Variants in ATG10 observed in about 807,000 individuals in gnomAD.
ATG10 encodes the protein autophagy related 10.
A neutral mutation model predicts 32.1 loss-of-function variants in ATG10; 30 were observed. The observed-to-expected ratio is 0.94, with a 90% CI of 0.70 to 1.27. ATG10 has a LOEUF of 1.27. Ranked by LOEUF, ATG10 falls within the 50% of genes most tolerant of loss-of-function variation. ATG10 has a pLI of 0.00. For missense variants in ATG10, 233 were observed against 262.3 expected (o/e 0.89, Z 0.77); for synonymous variants, 87 against 91.5 (o/e 0.95, Z 0.28).
intron 5 of ATG10, among the ~76,000 whole-genome samples, chr5:82,217,526 T>A (rs1237394004): frequency 1.3e-5 from 2 of 152,098 alleles, no homozygotes; most frequent in Admixed American, 1.3e-4. Context: ...TGTCAGAAGC[T>A]ATTTTTTGCC....
rs1561319836 is a variant in ATG10, at chr5:82,138,856, TCC to T, written c.217-25539_217-25538del. ...GTCGAGCTCTCCCTCCCCCTCCCCC[TCC>T]CCCTCCCCCTCCCCCTCCCCCTCTC... On this transcript the variant is annotated intron_variant, in intron 3 of 7. Transcript: ENST00000282185. Among the ~76,000 whole-genome samples, 100 of 16,092 alleles carry T rather than the reference TCC, an allele frequency of 6.2e-3. 2 individuals carry two copies. Among genetic ancestry groups the T allele is most frequent in the African/African-American group, 0.024 (93 of 3,870 alleles). The allele number at this position is 16,092 out of a possible 152,430, so 10.6% of individuals were successfully genotyped here.
chr5:82,004,500 C>T (rs1037172590), intron 2 of ATG10, among the ~76,000 whole-genome samples: 1 of 152,212 alleles, frequency 6.6e-6, no homozygotes, highest in African/African-American at 2.4e-5. Context: ...ATCTAAAGGA[C>T]ACCTGACCCT....
intron 5 of ATG10, among the ~76,000 whole-genome samples, chr5:82,225,888 AACTT>A (rs1448438501): frequency 1.3e-5 from 2 of 152,214 alleles, no homozygotes; most frequent in African/African-American, 4.8e-5. Context: ...GTCTGATACT[AACTT>A]CTAGCTATGA....
intron 3 of ATG10, among the ~76,000 whole-genome samples, chr5:82,143,686 A>G (rs938056567): frequency 1.3e-5 from 2 of 152,244 alleles, no homozygotes; most frequent in African/African-American, 4.8e-5. Flanking sequence ...CAAGAGGCTC[A>G]AAATGTAGAA....
intron 3 of ATG10, among the ~76,000 whole-genome samples, chr5:82,121,779 T>C (rs1325284839): frequency 6.6e-6 from 1 of 152,190 alleles, no homozygotes; most frequent in Admixed American, 6.5e-5. Flanking sequence ...GATTTGCTTA[T>C]GTTGAACCAA....
At chr5:82,099,683 A>T (rs1026879930) in intron 3 of ATG10, among the ~76,000 whole-genome samples, 2 of 152,192 alleles carry the variant, frequency 1.3e-5, no homozygotes, top group Non-Finnish European at 2.9e-5. Flanking sequence ...TTAATTTAGC[A>T]TAGTATTACA....
chr5:82,213,365 C>G (rs569360796), intron 5 of ATG10, among the ~76,000 whole-genome samples: 1 of 152,158 alleles, frequency 6.6e-6, no homozygotes, highest in Non-Finnish European at 1.5e-5. Flanking sequence ...CTCTCCTAGT[C>G]TTACCTGGTG....
At chr5:82,083,175 G>A (rs905008919) in intron 3 of ATG10, among the ~76,000 whole-genome samples, 5 of 152,204 alleles carry the variant, frequency 3.3e-5, no homozygotes, top group Non-Finnish European at 5.9e-5. Context: ...GGCACACCAG[G>A]AGATTATATC....
intron 1 of ATG10, among the ~76,000 whole-genome samples, chr5:81,986,796 C>T (rs900725707): frequency 1.3e-5 from 2 of 152,186 alleles, no homozygotes; most frequent in Admixed American, 6.5e-5. Flanking sequence ...GTAATCTCAG[C>T]ACTCTGGGAA....
chr5:82,073,443 G>A (rs1267705035), intron 3 of ATG10: 1 of 152,192 alleles, frequency 6.6e-6, no homozygotes, highest in Non-Finnish European at 1.5e-5. Context: ...GTAGCAGGTG[G>A]TGTGGCATGG....
chr5:82,229,906 C>T (rs1435368323), intron 5 of ATG10, among the ~76,000 whole-genome samples: 2 of 152,164 alleles, frequency 1.3e-5, no homozygotes, highest in Admixed American at 6.5e-5. Flanking sequence ...TGGAAACTCA[C>T]GTCATATAAT....
At chr5:82,063,511 G>A (rs1338307548) in intron 3 of ATG10, among the ~76,000 whole-genome samples, 1 of 129,440 alleles carries the variant, frequency 7.7e-6, no homozygotes, top group African/African-American at 2.9e-5. Context: ...TTTTTTTTTT[G>A]AAATAGAGTC....
At chr5:82,127,422 T>C (rs916342081) in intron 3 of ATG10, among the ~76,000 whole-genome samples, 1 of 152,170 alleles carries the variant, frequency 6.6e-6, no homozygotes, top group African/African-American at 2.4e-5. Flanking sequence ...GGGCATTTAG[T>C]GCTGTAAATT....
At chr5:82,120,674 C>T (rs569106303) in intron 3 of ATG10, among the ~76,000 whole-genome samples, 93 of 151,494 alleles carry the variant, frequency 6.1e-4, no homozygotes, top group African/African-American at 2.1e-3. Context: ...TTTTTTAAGC[C>T]CCAGCCACTT....
intron 3 of ATG10, among the ~76,000 whole-genome samples, chr5:82,160,991 A>G (rs1240645655): frequency 6.6e-6 from 1 of 152,226 alleles, no homozygotes; most frequent in Admixed American, 6.5e-5. Context: ...CTCCAGGAAT[A>G]CAAAAATGAG....
chr5:82,000,258 A>G (rs1479067901), intron 2 of ATG10, among the ~76,000 whole-genome samples: 3 of 152,244 alleles, frequency 2.0e-5, no homozygotes, highest in Non-Finnish European at 4.4e-5. Flanking sequence ...CTTTTGATAC[A>G]ATTCAACATT....
At chr5:82,191,396 C>A (rs748011650) in intron 5 of ATG10, among the ~76,000 whole-genome samples, 12 of 152,156 alleles carry the variant, frequency 7.9e-5, no homozygotes, top group Non-Finnish European at 1.5e-4. Context: ...TTGTAAAATT[C>A]ATTATATTTG....
At chr5:81,983,638 G>T (rs1384162640) in intron 1 of ATG10, among the ~76,000 whole-genome samples, 2 of 151,202 alleles carry the variant, frequency 1.3e-5, no homozygotes. Flanking sequence ...CCGGGCGGGG[G>T]GGCTGACCCT....
intron 3 of ATG10, among the ~76,000 whole-genome samples, chr5:82,149,973 G>A (rs919271681): frequency 2.0e-5 from 3 of 152,114 alleles, no homozygotes; most frequent in African/African-American, 7.2e-5. Context: ...AATTGCTTGA[G>A]TTAGAAGTTG....
Sources: gnomAD v4.1 joint callset for allele counts (sites outside exome capture counted in the v4.1 genomes callset) on GRCh38, gnomAD v4.1.1 for gene constraint, MANE v1.5 for transcripts, NCBI Gene and HGNC (gene_info 2026-07-23, HGNC 2026-07-21) for gene names.